KCNH5: variants seen among roughly 807,000 people sequenced by gnomAD.
The protein encoded by KCNH5 is voltage-gated delayed rectifier potassium channel KCNH5.
Under a neutral mutation model 96.1 loss-of-function variants are expected in KCNH5, and 46 were observed. That is an observed-to-expected ratio of 0.48 (90% CI 0.38 to 0.61). KCNH5 has a LOEUF of 0.61. KCNH5 is among the 20% of genes least tolerant of loss of function. KCNH5 has a pLI of 0.00. For missense variants in KCNH5, 907 were observed against 1,225.8 expected (o/e 0.74, Z 3.88); for synonymous variants, 439 against 449.8 (o/e 0.98, Z 0.30).
At chr14:62,791,442 G>A (rs574901269) in intron 9 of KCNH5, among the ~76,000 whole-genome samples, 60 of 151,584 alleles carry the variant, frequency 4.0e-4, no homozygotes, top group Admixed American at 2.0e-3. Flanking sequence ...ACCCTTAAAT[G>A]TAAATGGATT....
chr14:62,898,379 A>G (rs1211052732), intron 7 of KCNH5, among the ~76,000 whole-genome samples: 3 of 152,176 alleles, frequency 2.0e-5, no homozygotes, highest in Admixed American at 1.3e-4. Context: ...TTAAGCATAC[A>G]CATTAAGATA....
intron 5 of KCNH5, among the ~76,000 whole-genome samples, chr14:62,986,668 C>G (rs887230138): frequency 6.6e-6 from 1 of 152,190 alleles, no homozygotes; most frequent in African/African-American, 2.4e-5. Context: ...CTTTTCACAT[C>G]TTATGATCAG....
intron 7 of KCNH5, among the ~76,000 whole-genome samples, chr14:62,936,903 C>A (rs1283440939): frequency 6.6e-6 from 1 of 150,490 alleles, no homozygotes; most frequent in Non-Finnish European, 1.5e-5. Context: ...ATCACTTGAA[C>A]CCAGGAGGCA....
intron 1 of KCNH5, among the ~76,000 whole-genome samples, chr14:63,040,098 G>T (rs1035916863): frequency 6.6e-6 from 1 of 152,006 alleles, no homozygotes; most frequent in Non-Finnish European, 1.5e-5. Context: ...GACTCACAAG[G>T]AAAGAAAAAG....
At chr14:62,852,853 C>A (rs1887835126) in intron 7 of KCNH5, among the ~76,000 whole-genome samples, 2 of 152,106 alleles carry the variant, frequency 1.3e-5, no homozygotes, top group African/African-American at 4.8e-5. Flanking sequence ...ATGAGAGAGG[C>A]CTTGGAGCAT....
chr14:63,027,877 G>C (rs550472043), intron 1 of KCNH5, among the ~76,000 whole-genome samples: 21 of 152,026 alleles, frequency 1.4e-4, no homozygotes, highest in African/African-American at 4.6e-4. Context: ...TATTTACATA[G>C]TGACTCAAGT....
intron 7 of KCNH5, among the ~76,000 whole-genome samples, chr14:62,932,698 C>T (rs1203552003): frequency 6.6e-6 from 1 of 151,916 alleles, no homozygotes; most frequent in Admixed American, 6.6e-5. Context: ...CCTCACAATA[C>T]TGGGAACTAA....
intron 10 of KCNH5, among the ~76,000 whole-genome samples, chr14:62,729,324 T>C (rs755028401): frequency 1.3e-5 from 2 of 152,212 alleles, no homozygotes; most frequent in South Asian, 4.1e-4. Flanking sequence ...CTAAACTTAA[T>C]ACATTTTAGA....
At chr14:62,920,940 G>A (rs1174491968) in intron 7 of KCNH5, among the ~76,000 whole-genome samples, 2 of 152,052 alleles carry the variant, frequency 1.3e-5, no homozygotes, top group African/African-American at 4.8e-5. Flanking sequence ...AGAGCTTTTT[G>A]TTTCAATAAA....
At chr14:62,901,454 C>T (rs961702568) in intron 7 of KCNH5, among the ~76,000 whole-genome samples, 1 of 152,166 alleles carries the variant, frequency 6.6e-6, no homozygotes, top group Non-Finnish European at 1.5e-5. Context: ...GTTTAGCTCC[C>T]ACTTAAAAGT....
chr14:62,962,335 T>C (rs1890229289), intron 6 of KCNH5, among the ~76,000 whole-genome samples: 1 of 152,102 alleles, frequency 6.6e-6, no homozygotes, highest in Non-Finnish European at 1.5e-5. Flanking sequence ...CTAATCCAGA[T>C]ATAAAAAAAT....
intron 7 of KCNH5, among the ~76,000 whole-genome samples, chr14:62,948,867 A>G (rs1357432506): frequency 1.2e-4 from 18 of 147,182 alleles, no homozygotes; most frequent in Non-Finnish European, 2.4e-4. Flanking sequence ...ACGCAAATCA[A>G]TAAATGTAAT....
intron 7 of KCNH5, among the ~76,000 whole-genome samples, chr14:62,890,302 G>A (rs936701733): frequency 2.6e-5 from 4 of 152,186 alleles, no homozygotes; most frequent in Non-Finnish European, 5.9e-5. Flanking sequence ...ACAGCCTACA[G>A]AATGGGAGAA....
intron 9 of KCNH5, among the ~76,000 whole-genome samples, chr14:62,785,902 CCA>C (rs1286134745): frequency 7.2e-5 from 11 of 152,042 alleles, no homozygotes; most frequent in Admixed American, 4.6e-4. Flanking sequence ...ATAAAAATTT[CCA>C]CAGTTAGGCA....
chr14:62,761,052 G>T (rs1166878947), intron 10 of KCNH5, among the ~76,000 whole-genome samples: 3 of 151,982 alleles, frequency 2.0e-5, no homozygotes, highest in Non-Finnish European at 2.9e-5. Context: ...ATAACCAAAT[G>T]CTCCTCAAAA....
In KCNH5 at chr14:63,009,810, C is replaced by T. The variant is rs1011606456; in HGVS notation, c.198-3338G>A. On this transcript the variant is annotated intron_variant, in intron 2 of 10. Coordinates refer to ENST00000322893, the MANE Select transcript of KCNH5 (RefSeq NM_139318.5). ...ACATATGAATGCTGAAATGTTTTAT[C>T]ACAGGTTCCTGAAGCCTGACTCAGG... is the stretch of plus-strand genomic sequence containing the variant. Among the ~76,000 whole-genome samples, 3 of 152,124 alleles carry T rather than the reference C, an allele frequency of 2.0e-5. No individual in the cohort carries two copies. In the East Asian group the frequency reaches 5.8e-4, roughly 29 times the overall value.
At chr14:62,988,617 G>C (rs1449706238) in intron 4 of KCNH5, among the ~76,000 whole-genome samples, 1 of 151,740 alleles carries the variant, frequency 6.6e-6, no homozygotes, top group African/African-American at 2.4e-5. Flanking sequence ...CCCCATCCTA[G>C]TAATTAGAAC....
At chr14:63,010,749 C>T (rs1206276654) in intron 2 of KCNH5, among the ~76,000 whole-genome samples, 1 of 152,190 alleles carries the variant, frequency 6.6e-6, no homozygotes, top group Non-Finnish European at 1.5e-5. Flanking sequence ...GGATCCCTTG[C>T]TCTGCTCTCA....
At chr14:62,718,686 T>C (rs1333222971) in intron 10 of KCNH5, among the ~76,000 whole-genome samples, 2 of 152,196 alleles carry the variant, frequency 1.3e-5, no homozygotes, top group Non-Finnish European at 2.9e-5. Flanking sequence ...AGTAGCCATA[T>C]GACCCAGCAA....
Sources: allele counts gnomAD v4.1 joint callset (sites outside exome capture counted in the v4.1 genomes callset), GRCh38; gene constraint gnomAD v4.1.1; transcripts MANE v1.5; gene names NCBI Gene and HGNC (gene_info 2026-07-23, HGNC 2026-07-21).